Variants in CDYL observed in about 807,000 individuals in gnomAD.
The protein encoded by CDYL is chromodomain Y-like protein.
Under a neutral mutation model 47.3 loss-of-function variants are expected in CDYL, and 8 were observed. The ratio of observed to expected loss-of-function variants is 0.17; its 90% CI spans 0.10 to 0.31. The LOEUF is 0.31. Ranked by LOEUF, CDYL falls within the 10% of genes least tolerant of loss-of-function variation. The pLI is 1.00. For missense variants in CDYL, 471 were observed against 701.4 expected (o/e 0.67, Z 3.71); for synonymous variants, 266 against 265.0 (o/e 1.00, Z -0.04).
chr6:4,732,842 G>T (rs1012446809), intron 2 of CDYL, among the ~76,000 whole-genome samples: 16 of 152,208 alleles, frequency 1.1e-4, no homozygotes, highest in African/African-American at 3.9e-4. Context: ...AAGACAGGCA[G>T]AGATAGGAGG....
rs1228739911 is a variant in CDYL at position 4,756,573 on chromosome 6, C to CGTGTGTCTGTGTGTGTGT, written c.186+21735_186+21736insCTGTGTGTGTGTGTGTGT. ...TAGTAATTGTAGTAATTAAAATTAT[C>CGTGTGTCTGTGTGTGTGT]GTGTGTATGTGTGTGTGTGTGTGTG... On this transcript the variant is annotated intron_variant, in intron 3 of 8. Coordinates refer to the CDYL transcript ENST00000328908. Among the ~76,000 whole-genome samples the CGTGTGTCTGTGTGTGTGT allele has an allele frequency of 2.5e-3, 310 of 125,272 alleles. 3 individuals carry two copies. Among genetic ancestry groups the CGTGTGTCTGTGTGTGTGT allele is most frequent in the African/African-American group, 0.01 (262 of 25,356 alleles). 82.2% of individuals were successfully genotyped at this position (125,272 alleles called of 152,430 possible).
At chr6:4,808,202 G>T (rs900026287) in intron 1 of CDYL, among the ~76,000 whole-genome samples, 1 of 152,150 alleles carries the variant, frequency 6.6e-6, no homozygotes, top group Non-Finnish European at 1.5e-5. Context: ...CGTGCTTGTT[G>T]CCGTTGCCTC....
chr6:4,940,701 T>C (rs1259931750), intron 4 of CDYL, among the ~76,000 whole-genome samples: 3 of 152,352 alleles, frequency 2.0e-5, no homozygotes, highest in Non-Finnish European at 4.4e-5. Context: ...GCCACTGGGT[T>C]TTAAGGACCA....
At chr6:4,902,337 C>T (rs1402899281) in intron 2 of CDYL, among the ~76,000 whole-genome samples, 2 of 149,082 alleles carry the variant, frequency 1.3e-5, no homozygotes, top group Admixed American at 6.8e-5. Flanking sequence ...ACCCGGGAGG[C>T]AGAGGTTGCA....
intron 1 of CDYL, among the ~76,000 whole-genome samples, chr6:4,871,330 G>A (rs1289929132): frequency 6.6e-6 from 1 of 152,182 alleles, no homozygotes; most frequent in Non-Finnish European, 1.5e-5. Context: ...TTTTAATGTG[G>A]ATTGGAAGTG....
At chr6:4,760,095 A>G (rs531411733) in intron 3 of CDYL, among the ~76,000 whole-genome samples, 1 of 151,772 alleles carries the variant, frequency 6.6e-6, no homozygotes, top group African/African-American at 2.4e-5. Context: ...GGTTGAAACA[A>G]TCCTTTATCT....
intron 1 of CDYL, among the ~76,000 whole-genome samples, chr6:4,706,939 C>T (rs1056767362): frequency 9.2e-5 from 14 of 152,164 alleles, no homozygotes; most frequent in African/African-American, 3.4e-4. Context: ...GTGGAAGGAA[C>T]AGAATGGTGA....
chr6:4,923,111 T>C lies in CDYL; in HGVS notation c.692-12404T>C, dbSNP rs544673493. ...TTAAAATCTGCTCTATTTGAAAATA[T>C]ACAATAAATTATTGCTAATTTTAGT... is the stretch of plus-strand genomic sequence containing the variant. On this transcript the variant is annotated intron_variant, in intron 2 of 6. Coordinates refer to ENST00000397588, the MANE Select transcript of CDYL (RefSeq NM_004824.4). 8.9e-4 allele frequency among the ~76,000 whole-genome samples: 135 copies of C among 152,364 alleles called. 3 individuals carry two copies. In the South Asian group the frequency reaches 0.01, roughly 11 times the overall value.
At chr6:4,724,359 C>CT (rs1757445644) in intron 2 of CDYL, 1 of 152,222 alleles carries the variant, frequency 6.6e-6, no homozygotes, top group Non-Finnish European at 1.5e-5. Context: ...CCTGTCCCCT[C>CT]TTTATAATTC....
Position 4,821,260 on chromosome 6 carries a change from C to CTT in CDYL, c.24+44481_24+44482dup, listed in dbSNP as rs1176819548. On this transcript the variant is annotated intron_variant, in intron 1 of 6. Coordinates refer to ENST00000397588, the MANE Select transcript of CDYL (RefSeq NM_004824.4). ...TGATTATCATGGTCATATGGGAATT[C>CTT]TTTTTTTTTTTTTTTTTTTTTTTTT... is the stretch of plus-strand genomic sequence containing the variant. Among the ~76,000 whole-genome samples, 582 of 60,402 alleles carry CTT rather than the reference C, an allele frequency of 9.6e-3. 97 individuals carry two copies. The highest frequency in any genetic ancestry group is 0.034 in the African/African-American group (473 of 13,918). The allele number at this position is 60,402 out of a possible 152,430, so 39.6% of individuals were successfully genotyped here.
At chr6:4,900,779 G>GTATATATATATATATATATATATA (rs59594195) in intron 2 of CDYL, among the ~76,000 whole-genome samples, 1 of 51,698 alleles carries the variant, frequency 1.9e-5, no homozygotes. Flanking sequence ...GTATACGTGT[G>GTATATATATATATATATATATATA]TATATATATA....
chr6:4,792,501 C>T (rs543907500), intron 1 of CDYL, among the ~76,000 whole-genome samples: 71 of 151,370 alleles, frequency 4.7e-4, no homozygotes, highest in Non-Finnish European at 8.8e-4. Flanking sequence ...GCATGATCTC[C>T]GCTCACGGTA....
Position 4,935,599 on chromosome 6 carries a change from G to A in CDYL, c.776G>A (p.Arg259Lys). 2.5e-6 allele frequency: 4 copies of A among 1,614,182 alleles called. No individual in the cohort carries two copies. The highest frequency in any genetic ancestry group is 3.4e-6 in the Non-Finnish European group (4 of 1,180,036). Residue 259 changes from arginine to lysine, a missense_variant, in exon 3 of 7, where the codon AGG becomes AAG. Arg to Lys is a conservative substitution (Grantham distance 26). This residue lies in a region of CDYL where 311 missense variants were observed against 350.0 expected (regional missense o/e 0.89). Transcript: ENST00000397588. ...GTTACAGGAGTGACTGCCAGCAAAA[G>A]GAAATTTATTGACGACAGAAGAGAC... ...TSVTGVTASK[R>K]KFIDDRRDQP...
chr6:4,901,503 G>A (rs1757053069), intron 2 of CDYL, among the ~76,000 whole-genome samples: 1 of 152,128 alleles, frequency 6.6e-6, no homozygotes, highest in Admixed American at 6.5e-5. Flanking sequence ...TCTGTCTTAA[G>A]TTCCTCCAAC....
At chr6:4,783,417 C>CT (rs1554097730) in intron 1 of CDYL, among the ~76,000 whole-genome samples, 15,525 of 137,300 alleles carry the variant, frequency 0.11, 1,287 homozygotes, top group African/African-American at 0.22. Flanking sequence ...ATTCTTGAGA[C>CT]TTTTTTTTTT....
chr6:4,890,930 C>T (rs1490469166), intron 1 of CDYL, among the ~76,000 whole-genome samples: 1 of 152,180 alleles, frequency 6.6e-6, no homozygotes, highest in Non-Finnish European at 1.5e-5. Flanking sequence ...ACATAACTCT[C>T]GTTCATGTGA....
chr6:4,749,315 G>A (rs1757949707), intron 3 of CDYL, among the ~76,000 whole-genome samples: 1 of 128,518 alleles, frequency 7.8e-6, no homozygotes. Context: ...ATAGATGGAT[G>A]GATGGATGGA....
chr6:4,862,529 C>G (rs1018938270), intron 1 of CDYL, among the ~76,000 whole-genome samples: 2 of 152,088 alleles, frequency 1.3e-5, no homozygotes, highest in African/African-American at 4.8e-5. Context: ...CTAAAAGTAA[C>G]CTCTGAAAGA....
chr6:4,907,256 G>C (rs370452058), intron 2 of CDYL, among the ~76,000 whole-genome samples: 13 of 152,372 alleles, frequency 8.5e-5, no homozygotes, highest in East Asian at 5.8e-4. Context: ...AGACCACCCT[G>C]CTGCAGTTTT....
Sources: allele counts gnomAD v4.1 joint callset (sites outside exome capture counted in the v4.1 genomes callset), GRCh38; gene constraint gnomAD v4.1.1; regional missense constraint gnomAD v4.1.1; transcripts MANE v1.5; gene names NCBI Gene and HGNC (gene_info 2026-07-23, HGNC 2026-07-21).